The following OTC variants were observed in gnomAD, a reference collection of about 807,000 sequenced individuals.
OTC encodes ornithine transcarbamylase, mitochondrial.
A neutral mutation model predicts 30.3 loss-of-function variants in OTC; 3 were observed. The observed-to-expected ratio is 0.10, with a 90% CI of 0.05 to 0.26. The LOEUF (loss-of-function observed/expected upper bound fraction) is 0.26, where lower values mean the gene tolerates loss of function less well. Among genes scored for constraint, OTC ranks in the 10% least tolerant of loss-of-function variants. The pLI is 1.00. For synonymous variants in OTC, 111 were observed against 99.7 expected (o/e 1.11, Z -0.67); for missense variants, 194 against 260.3 (o/e 0.75, Z 1.75).
the OTC span, among the ~76,000 whole-genome samples, chrX:38,328,272 C>A: frequency 8.9e-6 from 1 of 112,384 alleles, no homozygotes; most frequent in Non-Finnish European, 1.9e-5. Flanking sequence ...TAGAATCAGA[C>A]ACAATTGGAT....
At chrX:38,374,754 C>G (rs2068337551) in intron 3 of OTC, among the ~76,000 whole-genome samples, 1 of 111,889 alleles carries the variant, frequency 8.9e-6, no homozygotes, top group South Asian at 3.8e-4. Flanking sequence ...TGTTTGAAGT[C>G]TTCATCCATA....
intron 2 of OTC, 104 bp downstream of exon 2, chrX:38,367,533 A>G: frequency 2.9e-6 from 2 of 678,183 alleles, no homozygotes. Flanking sequence ...ATTCTTAAAC[A>G]GTAGCTAAGT....
At chrX:38,328,569 A>C in the OTC span, among the ~76,000 whole-genome samples, 72 of 111,661 alleles carry the variant, frequency 6.4e-4, no homozygotes, top group African/African-American at 2.1e-3. Flanking sequence ...GTTTGTAAGG[A>C]GCTTGACTCT....
intron 5 of OTC, 77 bp from the exon 6 acceptor site, chrX:38,403,541 T>G (rs1330846920): frequency 9.3e-7 from 1 of 1,072,408 alleles, no homozygotes; most frequent in Non-Finnish European, 1.3e-6. Flanking sequence ...TTAAGACTAT[T>G]TATTTTAACC....
the OTC span, among the ~76,000 whole-genome samples, chrX:38,345,482 T>C: frequency 4.9e-4 from 54 of 110,616 alleles, no homozygotes; most frequent in African/African-American, 1.7e-3. Context: ...AGCACTGATT[T>C]TAGGAGCAGT....
intron 6 of OTC, among the ~76,000 whole-genome samples, chrX:38,407,177 A>G (rs1011968219): frequency 8.9e-6 from 1 of 112,723 alleles, no homozygotes; most frequent in Non-Finnish European, 1.9e-5. Context: ...TGAGATGTCC[A>G]TTCATCTGTC....
At chrX:38,388,724 A>C (rs1265515664) in intron 4 of OTC, among the ~76,000 whole-genome samples, 1 of 112,068 alleles carries the variant, frequency 8.9e-6, no homozygotes. Flanking sequence ...AACCACGTGT[A>C]TGAAAGGCTC....
chrX:38,346,668 A>G, the OTC span, among the ~76,000 whole-genome samples: 1 of 112,854 alleles, frequency 8.9e-6, no homozygotes, highest in African/African-American at 3.2e-5. Context: ...TAAATCTCAA[A>G]GACATTATGC....
the OTC span, among the ~76,000 whole-genome samples, chrX:38,331,426 T>G: frequency 2.2e-5 from 2 of 92,287 alleles, no homozygotes; most frequent in Non-Finnish European, 4.2e-5. Flanking sequence ...GCTAATTTTT[T>G]TTTTGTTTTT....
At chrX:38,333,703 G>C in the OTC span, among the ~76,000 whole-genome samples, 1 of 111,938 alleles carries the variant, frequency 8.9e-6, no homozygotes, top group Non-Finnish European at 1.9e-5. Context: ...CTTCCTAGCT[G>C]TATTTGTTTC....
intron 9 of OTC, among the ~76,000 whole-genome samples, chrX:38,414,817 T>C (rs375263042): frequency 1.8e-5 from 2 of 111,571 alleles, no homozygotes; most frequent in South Asian, 7.6e-4. Flanking sequence ...GTGATACATG[T>C]GTTGCGCTCT....
chrX:38,356,841 T>G, intron 1 of OTC, among the ~76,000 whole-genome samples: 2 of 111,608 alleles, frequency 1.8e-5, no homozygotes, highest in Middle Eastern at 9.3e-3. Context: ...GTGGCAACAG[T>G]GAGGAGGGTT....
intron 2 of OTC, among the ~76,000 whole-genome samples, chrX:38,368,014 G>A (rs774935751): frequency 1.0e-3 from 115 of 110,924 alleles, no homozygotes; most frequent in South Asian, 2.3e-3. Flanking sequence ...CACCGTGCCC[G>A]GCCAAGATTT....
chrX:38,333,752 A>G, the OTC span, among the ~76,000 whole-genome samples: 1 of 112,554 alleles, frequency 8.9e-6, no homozygotes, highest in African/African-American at 3.2e-5. Context: ...AAGGCTTGCA[A>G]TTTTAAGTAG....
In OTC at chrX:38,403,755, T is replaced by G. The variant is rs1158299742; in HGVS notation, c.663+15T>G. 8.3e-7 allele frequency: 1 copy of G among 1,208,729 alleles called. No individual in the cohort carries two copies. On this transcript the variant is annotated intron_variant, in intron 6 of 9. Coordinates refer to ENST00000039007, the MANE Select transcript of OTC (RefSeq NM_000531.6). ...CTACTCCAAAGGTAGGGAAACTTTT[T>G]GCCTTGAAACTAACCCCTCTCTTAA...
At chrX:38,403,461 T>A (rs1298840835) in intron 5 of OTC, among the ~76,000 whole-genome samples, 157 bp from the exon 6 acceptor site, 2 of 112,330 alleles carry the variant, frequency 1.8e-5, no homozygotes, top group Non-Finnish European at 3.8e-5. Flanking sequence ...ACATTCATAT[T>A]ATTGAGTTGC....
At chrX:38,422,667 T>C (rs1386912956), downstream of OTC, among the ~76,000 whole-genome samples, 1 of 112,304 alleles carries the variant, frequency 8.9e-6, no homozygotes, top group Non-Finnish European at 1.9e-5. Flanking sequence ...ATTGTGTACA[T>C]ACAATTTAAC....
At chrX:38,390,548 T>C (rs935992588) in intron 4 of OTC, among the ~76,000 whole-genome samples, 4 of 111,666 alleles carry the variant, frequency 3.6e-5, no homozygotes, top group Admixed American at 2.9e-4. Flanking sequence ...CTGGTAAGAG[T>C]TGTCAGTGAA....
intron 4 of OTC, among the ~76,000 whole-genome samples, chrX:38,396,748 G>A (rs1043453076): frequency 9.0e-6 from 1 of 111,349 alleles, no homozygotes; most frequent in Non-Finnish European, 1.9e-5. Context: ...ACTCCAGCCT[G>A]GGCGACAGAG....
Sources: allele counts gnomAD v4.1 joint callset (sites outside exome capture counted in the v4.1 genomes callset), GRCh38; gene constraint gnomAD v4.1.1; transcripts MANE v1.5; gene names NCBI Gene and HGNC (gene_info 2026-07-23, HGNC 2026-07-21).